ST8SIA4: variants seen among roughly 807,000 people sequenced by gnomAD.
ST8SIA4 encodes CMP-N-acetylneuraminate-poly-alpha-2,8-sialyltransferase.
In ST8SIA4, 15 loss-of-function variants were observed where a neutral mutation model predicts 33.9. The ratio of observed to expected loss-of-function variants is 0.44; its 90% CI spans 0.30 to 0.68. The LOEUF is 0.68. ST8SIA4 is among the 30% of genes least tolerant of loss of function. The pLI is 0.10. For missense variants in ST8SIA4, 321 were observed against 428.0 expected, an observed-to-expected ratio of 0.75 and a Z score of 2.21; for synonymous variants, 171 against 151.2, an observed-to-expected ratio of 1.13 and a Z score of -0.96.
chr5:100,853,179 C>A (rs1426143522), intron 4 of ST8SIA4, among the ~76,000 whole-genome samples: 3 of 152,140 alleles, frequency 2.0e-5, no homozygotes, highest in African/African-American at 7.2e-5. Context: ...TCACAAAAAT[C>A]ATTTTTGTTT....
chr5:100,886,137 C>G, intron 3 of ST8SIA4: 1 of 1,353,302 alleles, frequency 7.4e-7, no homozygotes, highest in Non-Finnish European at 9.5e-7. Context: ...GTTGCTATGA[C>G]AGGATCACTT....
chr5:100,889,256 T>G, intron 2 of ST8SIA4, among the ~76,000 whole-genome samples: 1 of 151,960 alleles, frequency 6.6e-6, no homozygotes, highest in Admixed American at 6.6e-5. Context: ...ACACCTGTAC[T>G]TCAACAGAAA....
intron 3 of ST8SIA4, among the ~76,000 whole-genome samples, chr5:100,859,552 G>C (rs1751889528): frequency 6.6e-6 from 1 of 151,850 alleles, no homozygotes; most frequent in South Asian, 2.1e-4. Context: ...CAATTTATTT[G>C]TGTTTATTCT....
chr5:100,839,620 C>G (rs1393714962), intron 4 of ST8SIA4, among the ~76,000 whole-genome samples: 1 of 151,922 alleles, frequency 6.6e-6, no homozygotes, highest in Non-Finnish European at 1.5e-5. Flanking sequence ...AAGACAGAAA[C>G]AGCTCAAGAT....
chr5:100,898,896 A>G (rs955005388), intron 1 of ST8SIA4, among the ~76,000 whole-genome samples: 1 of 152,178 alleles, frequency 6.6e-6, no homozygotes, highest in African/African-American at 2.4e-5. Flanking sequence ...CAACGAAATC[A>G]CTCCACATAA....
intron 3 of ST8SIA4, among the ~76,000 whole-genome samples, chr5:100,857,948 T>C (rs1245681827): frequency 6.6e-6 from 1 of 152,068 alleles, no homozygotes; most frequent in Non-Finnish European, 1.5e-5. Context: ...TGACAGAGTA[T>C]GTATTTGTTT....
At chr5:100,887,413 A>G (rs983280857) in intron 2 of ST8SIA4, among the ~76,000 whole-genome samples, 1 of 152,100 alleles carries the variant, frequency 6.6e-6, no homozygotes, top group African/African-American at 2.4e-5. Flanking sequence ...AGTTTTCTTA[A>G]TTAAATAGTA....
Position 100,895,767 on chromosome 5 carries a change from CAA to C in ST8SIA4, c.130_131del (p.Leu44GlufsTer7). The C allele has an allele frequency of 6.2e-7, 1 of 1,611,572 alleles. No homozygotes were observed. Among genetic ancestry groups the C allele is most frequent in the Non-Finnish European group, 8.5e-7 (1 of 1,178,748 alleles). ...TQLIGDGELS[L>X]SRSLVNSSDK... Reference sequence around the variant, plus strand: ...CAGAGCTATTGACAAGTGACCGACTCAAAGACAATTCACCATCTCTGAAACAA... The same window carrying C: ...CAGAGCTATTGACAAGTGACCGACTCAGACAATTCACCATCTCTGAAACAA... On this transcript the variant is annotated frameshift_variant, in exon 2 of 5. Transcript: ENST00000231461. LOFTEE classifies it high-confidence loss of function.
chr5:100,895,998 TAAAC>T (rs1313921064), intron 1 of ST8SIA4, among the ~76,000 whole-genome samples: 3 of 152,000 alleles, frequency 2.0e-5, no homozygotes, highest in African/African-American at 7.2e-5. Context: ...TTTTTGAAAT[TAAAC>T]AATTTCTGAA....
At chr5:100,846,425 G>A (rs985446624) in intron 4 of ST8SIA4, among the ~76,000 whole-genome samples, 8 of 151,898 alleles carry the variant, frequency 5.3e-5, no homozygotes, top group African/African-American at 1.9e-4. Flanking sequence ...AGATGAATAA[G>A]TCAATCTTTG....
chr5:100,900,201 T>C (rs1055766377), intron 1 of ST8SIA4: 2 of 337,442 alleles, frequency 5.9e-6, no homozygotes, highest in South Asian at 2.3e-5. Context: ...AAGCTAAATA[T>C]GAATCTGGGG....
At chr5:100,863,627 G>A (rs1293864949) in intron 3 of ST8SIA4, among the ~76,000 whole-genome samples, 1 of 151,994 alleles carries the variant, frequency 6.6e-6, no homozygotes, top group African/African-American at 2.4e-5. Context: ...ATAAACAAAT[G>A]TTATTGCTGA....
chr5:100,886,435 G>A lies in ST8SIA4; in HGVS notation c.411C>T (p.Arg137=), dbSNP rs374053251. The change falls in exon 3 of 5, where the codon CGC becomes CGT. Residue 137 remains arginine (R), a synonymous_variant. Coordinates refer to ENST00000231461, the MANE Select transcript of ST8SIA4 (RefSeq NM_005668.6). Reference sequence around the variant, plus strand: ...CAACAACTGCACAGGTCTTAAACCTGCGATTCTTCATTGGTGAAACTTCAG... The same window carrying A: ...CAACAACTGCACAGGTCTTAAACCTACGATTCTTCATTGGTGAAACTTCAG... ...LLPEVSPMKN[R]RFKTCAVVGN... 60 of 1,613,936 alleles carry A rather than the reference G, an allele frequency of 3.7e-5. No individual in the cohort carries two copies. In the African/African-American group the frequency reaches 7.2e-4, roughly 19 times the overall value.
intron 4 of ST8SIA4, among the ~76,000 whole-genome samples, chr5:100,853,262 TC>T (rs1418066875): frequency 6.6e-6 from 1 of 152,242 alleles, no homozygotes; most frequent in Non-Finnish European, 1.5e-5. Context: ...CAAAACGCTA[TC>T]TTACATACAT....
chr5:100,886,297 A>T (rs1480431082), intron 3 of ST8SIA4, 46 bp downstream of exon 3: 1 of 1,583,814 alleles, frequency 6.3e-7, no homozygotes, highest in Non-Finnish European at 8.6e-7. Flanking sequence ...CCCAAGTAAA[A>T]TATCTTTGAA....
intron 2 of ST8SIA4, 76 bp from the exon 3 acceptor site, chr5:100,886,676 A>T: frequency 8.1e-7 from 1 of 1,232,732 alleles, no homozygotes; most frequent in Non-Finnish European, 1.2e-6. Context: ...TTACAAAGTA[A>T]CTTAAGACAA....
chr5:100,873,481 T>C (rs1229385791), intron 3 of ST8SIA4, among the ~76,000 whole-genome samples: 1 of 152,158 alleles, frequency 6.6e-6, no homozygotes, highest in Admixed American at 6.6e-5. Context: ...CTATCTCTAG[T>C]AGCTTTGTTT....
chr5:100,849,165 GT>G (rs974076173), intron 4 of ST8SIA4: 11 of 984,956 alleles, frequency 1.1e-5, no homozygotes, highest in Admixed American at 6.2e-5. Context: ...AAGGACAAGA[GT>G]TTTTTTGTGA....
intron 4 of ST8SIA4, among the ~76,000 whole-genome samples, chr5:100,833,166 A>G (rs1292055295): frequency 6.6e-6 from 1 of 151,942 alleles, no homozygotes; most frequent in Non-Finnish European, 1.5e-5. Context: ...AAAATTGTGA[A>G]CTCTTTCAGG....
Sources: allele counts gnomAD v4.1 joint callset (sites outside exome capture counted in the v4.1 genomes callset), GRCh38; gene constraint gnomAD v4.1.1; transcripts MANE v1.5; gene names NCBI Gene and HGNC (gene_info 2026-07-23, HGNC 2026-07-21).